Variants in CDH18 observed in about 807,000 individuals in gnomAD.
The protein encoded by CDH18 is cadherin 18.
In CDH18, 31 loss-of-function variants were observed where a neutral mutation model predicts 67.9. The ratio of observed to expected loss-of-function variants is 0.46; its 90% CI spans 0.34 to 0.62. The LOEUF (loss-of-function observed/expected upper bound fraction) is 0.62. Among genes scored for constraint, CDH18 ranks in the 20% least tolerant of loss-of-function variants. The pLI is 0.01. For missense variants in CDH18, 890 were observed against 975.5 expected, an observed-to-expected ratio of 0.91 and a Z score of 1.17; for synonymous variants, 362 against 347.2, an observed-to-expected ratio of 1.04 and a Z score of -0.48.
At chr5:19,532,823 G>A (rs1262243422) in intron 9 of CDH18, among the ~76,000 whole-genome samples, 1 of 152,180 alleles carries the variant, frequency 6.6e-6, no homozygotes, top group Non-Finnish European at 1.5e-5. Flanking sequence ...TGGATTGGAT[G>A]TGGAACATGA....
intron 2 of CDH18, among the ~76,000 whole-genome samples, chr5:19,939,871 T>G (rs1361501871): frequency 6.6e-6 from 1 of 151,916 alleles, no homozygotes; most frequent in Non-Finnish European, 1.5e-5. Context: ...TTTACTTAAT[T>G]TAAATGCTTT....
chr5:19,564,222 G>A (rs899403315), intron 8 of CDH18, among the ~76,000 whole-genome samples: 1 of 152,128 alleles, frequency 6.6e-6, no homozygotes. Flanking sequence ...TGGAGTGCAG[G>A]TGACATAGTG....
chr5:20,315,015 T>C (rs1737337863), intron 1 of CDH18, among the ~76,000 whole-genome samples: 2 of 152,114 alleles, frequency 1.3e-5, no homozygotes, highest in Non-Finnish European at 2.9e-5. Flanking sequence ...AATTTGACAG[T>C]AGATCAAGAA....
At chr5:19,765,788 C>T (rs1581249201) in intron 3 of CDH18, among the ~76,000 whole-genome samples, 1 of 152,100 alleles carries the variant, frequency 6.6e-6, no homozygotes, top group East Asian at 1.9e-4. Context: ...TATAACTCTC[C>T]ACATTGAAAT....
chr5:20,505,008 C>A (rs1754571390), intron 1 of CDH18, among the ~76,000 whole-genome samples: 1 of 151,908 alleles, frequency 6.6e-6, no homozygotes, highest in South Asian at 2.1e-4. Context: ...ACCTCGTGAT[C>A]CAGCCGCTTC....
intron 1 of CDH18, among the ~76,000 whole-genome samples, chr5:20,419,462 G>GTTTTATTT (rs1747650818): frequency 1.3e-5 from 1 of 75,646 alleles, no homozygotes. Context: ...ATGGGACTCT[G>GTTTTATTT]TTTTTTTTTT....
intron 3 of CDH18, among the ~76,000 whole-genome samples, chr5:19,787,814 T>TAC (rs1432175568): frequency 6.7e-6 from 1 of 149,900 alleles, no homozygotes; most frequent in Non-Finnish European, 1.5e-5. Flanking sequence ...TACAGTTATA[T>TAC]ATATATATAT....
chr5:19,713,283 C>T (rs548992220), intron 5 of CDH18, among the ~76,000 whole-genome samples: 7 of 152,050 alleles, frequency 4.6e-5, no homozygotes, highest in African/African-American at 1.4e-4. Flanking sequence ...CATTTTATAG[C>T]GAATTAGATG....
chr5:19,792,967 G>A (rs1286138346), intron 3 of CDH18, among the ~76,000 whole-genome samples: 1 of 152,102 alleles, frequency 6.6e-6, no homozygotes, highest in African/African-American at 2.4e-5. Flanking sequence ...TATTACCATT[G>A]TTGTCATAGC....
intron 11 of CDH18, among the ~76,000 whole-genome samples, chr5:19,489,156 C>T (rs1740870144): frequency 2.0e-5 from 3 of 151,906 alleles, no homozygotes. Flanking sequence ...ACTGATTCCA[C>T]CTAGTATATA....
chr5:19,865,301 C>T (rs1467194297), intron 2 of CDH18, among the ~76,000 whole-genome samples: 1 of 152,030 alleles, frequency 6.6e-6, no homozygotes, highest in Non-Finnish European at 1.5e-5. Context: ...TTTGTGAGTT[C>T]TTGATCCTTC....
At chr5:19,839,695 C>G (rs1581588924) in intron 2 of CDH18, among the ~76,000 whole-genome samples, 1 of 152,018 alleles carries the variant, frequency 6.6e-6, no homozygotes, top group African/African-American at 2.4e-5. Flanking sequence ...TAAAATTACT[C>G]CAGGTTTGGG....
In CDH18 at chr5:20,044,928, G is replaced by T. The variant is rs573224773; in HGVS notation, c.-517-52914C>A. On this transcript the variant is annotated intron_variant, in intron 2 of 14. Transcript: ENST00000507958. ...TTTATTTTTTTACTAAAAATGTGAG[G>T]CAAATAAAGTTTTAATATTTGCTCA... Among the ~76,000 whole-genome samples the T allele has an allele frequency of 1.3e-3, 193 of 152,034 alleles. 1 individual carries two copies. Among genetic ancestry groups the T allele is most frequent in the Non-Finnish European group, 1.8e-3 (122 of 67,962 alleles).
At chr5:19,689,422 T>C (rs1261697333) in intron 5 of CDH18, among the ~76,000 whole-genome samples, 1 of 151,890 alleles carries the variant, frequency 6.6e-6, no homozygotes, top group Non-Finnish European at 1.5e-5. Flanking sequence ...AAGATTACTA[T>C]ACACAGCAAA....
At chr5:20,018,049 T>G (rs894344655) in intron 2 of CDH18, among the ~76,000 whole-genome samples, 1 of 152,190 alleles carries the variant, frequency 6.6e-6, no homozygotes, top group Non-Finnish European at 1.5e-5. Context: ...GTGTTCAGTA[T>G]AGGACAGAAA....
At chr5:19,964,660 A>G in intron 2 of CDH18, among the ~76,000 whole-genome samples, 1 of 151,250 alleles carries the variant, frequency 6.6e-6, no homozygotes, top group Non-Finnish European at 1.5e-5. Context: ...AAAAAAAAAA[A>G]AGAAAAAAAA....
intron 3 of CDH18, among the ~76,000 whole-genome samples, chr5:19,758,759 A>G (rs1026425602): frequency 4.6e-5 from 7 of 152,164 alleles, no homozygotes; most frequent in African/African-American, 1.7e-4. Context: ...GAACCCTAGA[A>G]ATTTTACTGA....
At chr5:20,039,472 C>G (rs1324190296) in intron 2 of CDH18, among the ~76,000 whole-genome samples, 1 of 152,126 alleles carries the variant, frequency 6.6e-6, no homozygotes, top group Non-Finnish European at 1.5e-5. Flanking sequence ...GTAATCAAAA[C>G]AGCATGGTAC....
chr5:19,831,279 C>T (rs1156565632), intron 3 of CDH18, among the ~76,000 whole-genome samples: 1 of 151,938 alleles, frequency 6.6e-6, no homozygotes, highest in Non-Finnish European at 1.5e-5. Flanking sequence ...AACATCTAGT[C>T]ATACTAAAGA....
Sources: allele counts gnomAD v4.1 joint callset (sites outside exome capture counted in the v4.1 genomes callset), GRCh38; gene constraint gnomAD v4.1.1; transcripts MANE v1.5; gene names NCBI Gene and HGNC (gene_info 2026-07-23, HGNC 2026-07-21).